The following RYR3 variants were observed in gnomAD, a reference collection of about 807,000 sequenced individuals.
RYR3 encodes ryanodine receptor 3, also known as brain ryanodine receptor-calcium release channel.
RYR3 carries 207 observed loss-of-function variants against 584.3 expected under a neutral mutation model. That is an observed-to-expected ratio of 0.35 (90% confidence interval 0.32 to 0.40). The LOEUF is 0.40. RYR3 is among the 10% of genes least tolerant of loss of function. The pLI is 1.00. For missense variants in RYR3, 5,616 were observed against 6,089.2 expected, an observed-to-expected ratio of 0.92 and a Z score of 2.59; for synonymous variants, 2,416 against 2,248.5, an observed-to-expected ratio of 1.07 and a Z score of -2.11.
intron 1 of RYR3, among the ~76,000 whole-genome samples, chr15:33,312,876 G>C (rs1469926855): frequency 1.3e-5 from 2 of 152,124 alleles, no homozygotes; most frequent in East Asian, 3.9e-4. Context: ...GTTTTTGTTT[G>C]TTTTTGGTAC....
intron 1 of RYR3, among the ~76,000 whole-genome samples, chr15:33,404,298 AATCTTT>A (rs2042875130): frequency 6.6e-6 from 1 of 152,198 alleles, no homozygotes; most frequent in South Asian, 2.1e-4. Flanking sequence ...GTGCTCGTTT[AATCTTT>A]ACAATGATTC....
At chr15:33,522,131 T>C (rs117539659) in intron 3 of RYR3, among the ~76,000 whole-genome samples, 3,823 of 143,930 alleles carry the variant, frequency 0.027, 65 homozygotes, top group Non-Finnish European at 0.041. Context: ...GGTGTGGTGG[T>C]GTGAGCCTGT....
intron 93 of RYR3, among the ~76,000 whole-genome samples, chr15:33,845,887 A>G (rs1323817296): frequency 1.3e-5 from 2 of 152,232 alleles, no homozygotes; most frequent in Non-Finnish European, 2.9e-5. Flanking sequence ...TAAAATGACA[A>G]CTATTTATCT....
chr15:33,512,279 A>T (rs1026515351), intron 3 of RYR3, among the ~76,000 whole-genome samples: 1 of 152,228 alleles, frequency 6.6e-6, no homozygotes, highest in African/African-American at 2.4e-5. Context: ...AAAAATGGAA[A>T]AAGCTAGTTT....
chr15:33,584,340 C>T (rs949384704), intron 14 of RYR3, 55 bp from the exon 15 acceptor site: 3 of 916,766 alleles, frequency 3.3e-6, no homozygotes, highest in Non-Finnish European at 5.2e-6. Context: ...TCCAAGTTCT[C>T]ACGCCCATCA....
chr15:33,851,594 T>G (rs1216421999), intron 94 of RYR3: 1 of 152,206 alleles, frequency 6.6e-6, no homozygotes, highest in Non-Finnish European at 1.5e-5. Context: ...TTTGCATACC[T>G]AGTCAGGGGA....
intron 12 of RYR3, among the ~76,000 whole-genome samples, chr15:33,569,746 C>T (rs1393608693): frequency 6.6e-6 from 1 of 151,958 alleles, no homozygotes; most frequent in Non-Finnish European, 1.5e-5. Context: ...ACATCTTTTC[C>T]TACATTTGTT....
intron 2 of RYR3, among the ~76,000 whole-genome samples, chr15:33,501,501 T>C (rs1196137300): frequency 6.6e-6 from 1 of 152,186 alleles, no homozygotes; most frequent in African/African-American, 2.4e-5. Context: ...AAGCAGACTT[T>C]AAAGGGCCAA....
intron 2 of RYR3, among the ~76,000 whole-genome samples, chr15:33,496,447 G>A (rs2051433041): frequency 6.6e-6 from 1 of 152,140 alleles, no homozygotes; most frequent in South Asian, 2.1e-4. Flanking sequence ...TGATGCAGTG[G>A]TGTACTACTT....
chr15:33,591,002 G>A lies in RYR3; in HGVS notation c.1788+4886G>A, dbSNP rs202205797. On this transcript the variant is annotated intron_variant, in intron 16 of 103. Coordinates refer to ENST00000634891, the MANE Select transcript of RYR3 (RefSeq NM_001036.6). ...TTGAGGTCAAAAAGTTATAGGGGAA[G>A]AACACAGTCTTTGGAGTGAAAAAGA... is the stretch of plus-strand genomic sequence containing the variant. Among the ~76,000 whole-genome samples the A allele has an allele frequency of 1.8e-4, 28 of 152,286 alleles. 1 individual carries two copies. The East Asian group carries it at 4.3e-3, about 23-fold the overall frequency.
At chr15:33,380,521 G>A (rs909527948) in intron 1 of RYR3, among the ~76,000 whole-genome samples, 3 of 152,208 alleles carry the variant, frequency 2.0e-5, no homozygotes, top group Admixed American at 1.3e-4. Flanking sequence ...AGCTACTAGG[G>A]TGATAAGCAC....
At chr15:33,616,441 A>G (rs1321554678) in intron 19 of RYR3, among the ~76,000 whole-genome samples, 4 of 152,202 alleles carry the variant, frequency 2.6e-5, no homozygotes, top group Non-Finnish European at 5.9e-5. Flanking sequence ...TAGTTGACTG[A>G]AAGGTATCCA....
chr15:33,707,990 C>T (rs2066839628), intron 43 of RYR3, among the ~76,000 whole-genome samples: 1 of 152,156 alleles, frequency 6.6e-6, no homozygotes, highest in South Asian at 2.1e-4. Context: ...GGTTAGATTG[C>T]AGGCCTTGAG....
chr15:33,663,756 C>T lies in RYR3; in HGVS notation c.5619+19C>T. ...GGAGCAGGTGAGGGTCCTTCCTGAG[C>T]CTCTGTCCAGTTCCTATGGAAGAAC... On this transcript the variant is annotated intron_variant, in intron 36 of 103. Transcript: ENST00000634891. 1 of 1,583,282 alleles carries T rather than the reference C, an allele frequency of 6.3e-7. No homozygotes were observed. The highest frequency in any genetic ancestry group is 8.6e-7 in the Non-Finnish European group (1 of 1,164,560).
intron 1 of RYR3, among the ~76,000 whole-genome samples, chr15:33,458,026 G>A (rs2047706441): frequency 1.3e-5 from 2 of 152,182 alleles, no homozygotes; most frequent in Non-Finnish European, 2.9e-5. Context: ...GTTCTTCCTG[G>A]TTGCTTGGCT....
Position 33,697,863 on chromosome 15 carries a change from T to C in RYR3, c.6135-19T>C, listed in dbSNP as rs1289610610. Reference sequence around the variant, plus strand: ...ATAAATAAGCAGGTGCTGAAGACTCTCTCTGATCCTTATCCTAGAGACATA... The same window carrying C: ...ATAAATAAGCAGGTGCTGAAGACTCCCTCTGATCCTTATCCTAGAGACATA... On this transcript the variant is annotated intron_variant, in intron 39 of 103. Coordinates refer to ENST00000634891, the MANE Select transcript of RYR3 (RefSeq NM_001036.6). 6.6e-7 allele frequency: 1 copy of C among 1,511,736 alleles called. No homozygotes were observed. Among genetic ancestry groups the C allele is most frequent in the Non-Finnish European group, 9.2e-7 (1 of 1,086,702 alleles). The allele number at this position is 1,511,736 out of a possible 1,614,324, so 93.6% of individuals were successfully genotyped here.
At position 33,336,456 on chromosome 15, in the gene RYR3, GA is replaced by G. The variant is rs1567046462; in HGVS notation, c.51+25361del. 4.4e-3 allele frequency among the ~76,000 whole-genome samples: 69 copies of G among 15,614 alleles called. 3 individuals carry two copies. Among genetic ancestry groups the G allele is most frequent in the African/African-American group, 8.9e-3 (10 of 1,122 alleles). The allele number at this position is 15,614 out of a possible 152,430, so 10.2% of individuals were successfully genotyped here. On this transcript the variant is annotated intron_variant, in intron 1 of 103. Transcript: ENST00000634891. ...AAAGAAAGAAAGAGAGAGAGAGAGA[GA>G]GAGAGAGAGAGAGAGAGAGAGAGAG...
At chr15:33,605,806 A>G (rs980984727) in intron 18 of RYR3, among the ~76,000 whole-genome samples, 6 of 152,224 alleles carry the variant, frequency 3.9e-5, no homozygotes, top group Admixed American at 3.9e-4. Flanking sequence ...CTATCTTATG[A>G]AAAGGTAATT....
In RYR3 at chr15:33,556,391, T is replaced by C. The variant is rs577375761; in HGVS notation, c.972+6075T>C. On this transcript the variant is annotated intron_variant, in intron 10 of 103. Coordinates refer to ENST00000634891, the MANE Select transcript of RYR3 (RefSeq NM_001036.6). ...ATGCAACTCTGTGTTTCAGTGGCTT[T>C]CCATTACTTACACTAGCTTTTCCCA... Among the ~76,000 whole-genome samples, 341 of 152,316 alleles carry C rather than the reference T, an allele frequency of 2.2e-3. 1 individual carries two copies. The highest frequency in any genetic ancestry group is 8.0e-3 in the African/African-American group (332 of 41,566).
Sources: gnomAD v4.1 joint callset for allele counts (sites outside exome capture counted in the v4.1 genomes callset) on GRCh38, gnomAD v4.1.1 for gene constraint, MANE v1.5 for transcripts, NCBI Gene and HGNC (gene_info 2026-07-23, HGNC 2026-07-21) for gene names.